The following BCO1 variants were observed in gnomAD, a reference collection of about 807,000 sequenced individuals.
The protein encoded by BCO1 is beta-carotene oxygenase 1.
In BCO1, 54 loss-of-function variants were observed where a neutral mutation model predicts 56.3. The observed-to-expected ratio is 0.96, with a 90% CI of 0.77 to 1.20. BCO1 has a LOEUF of 1.20. Among genes scored for constraint, BCO1 ranks in the 50% most tolerant of loss-of-function variants. The pLI, the probability that BCO1 is intolerant of heterozygous loss-of-function variation, is 0.00. For synonymous variants in BCO1, 318 were observed against 266.1 expected (o/e 1.20, Z -1.90); for missense variants, 801 against 690.9 (o/e 1.16, Z -1.79).
intron 1 of BCO1, among the ~76,000 whole-genome samples, chr16:81,241,573 A>G (rs1238503083): frequency 2.0e-5 from 3 of 152,194 alleles, no homozygotes; most frequent in Non-Finnish European, 2.9e-5. Context: ...CCACGGGGTC[A>G]GACACTTGGG....
chr16:81,256,725 T>G (rs1315041230), intron 2 of BCO1, among the ~76,000 whole-genome samples: 1 of 151,886 alleles, frequency 6.6e-6, no homozygotes, highest in Non-Finnish European at 1.5e-5. Context: ...TCGTCTCTAC[T>G]AAAAATACAA....
chr16:81,267,739 G>T (rs193097066), intron 5 of BCO1, among the ~76,000 whole-genome samples, 169 bp from the exon 6 acceptor site: 310 of 152,276 alleles, frequency 2.0e-3, no homozygotes, highest in Non-Finnish European at 3.4e-3. Flanking sequence ...GAAGGTCTCA[G>T]CCTGGCCCCC....
chr16:81,284,274 TTATATATAAA>T (rs1345711923), intron 8 of BCO1, among the ~76,000 whole-genome samples: 275 of 1,348 alleles, frequency 0.2, 2 homozygotes, highest in South Asian at 0.29. Context: ...ATTTATATAT[TTATATATAAA>T]TATATATTTA....
chr16:81,275,489 C>G (rs539832261), intron 7 of BCO1, among the ~76,000 whole-genome samples: 1 of 152,366 alleles, frequency 6.6e-6, no homozygotes, highest in African/African-American at 2.4e-5. Context: ...CCTTGTAACT[C>G]TTTGTCAACA....
intron 4 of BCO1, chr16:81,262,848 A>AC (rs1567452829): frequency 7.8e-5 from 12 of 154,484 alleles, no homozygotes; most frequent in African/African-American, 1.0e-4. Context: ...AAAAAAAAAA[A>AC]AAAAAAAACA....
At chr16:81,248,100 C>G (rs1448545033) in intron 2 of BCO1, among the ~76,000 whole-genome samples, 1 of 152,030 alleles carries the variant, frequency 6.6e-6, no homozygotes, top group Non-Finnish European at 1.5e-5. Context: ...AGCATTTGTT[C>G]TTAATTTCAT....
chr16:81,271,320 G>T (rs1204371743), intron 7 of BCO1, among the ~76,000 whole-genome samples: 1 of 151,404 alleles, frequency 6.6e-6, no homozygotes, highest in East Asian at 2.0e-4. Flanking sequence ...TCACCATGTT[G>T]CTCAGGCTGT....
At chr16:81,261,773 G>A (rs565117002) in intron 3 of BCO1, among the ~76,000 whole-genome samples, 7 of 151,026 alleles carry the variant, frequency 4.6e-5, no homozygotes, top group Admixed American at 4.6e-4. Flanking sequence ...ACAGAGTCTC[G>A]CTCTTTCGCC....
intron 2 of BCO1, among the ~76,000 whole-genome samples, chr16:81,246,987 T>C (rs141003574): frequency 6.6e-6 from 1 of 151,700 alleles, no homozygotes; most frequent in Non-Finnish European, 1.5e-5. Context: ...AATGGATAAA[T>C]ATAGGGCATC....
chr16:81,252,024 C>T (rs888608609), intron 2 of BCO1, among the ~76,000 whole-genome samples: 2 of 151,928 alleles, frequency 1.3e-5, no homozygotes, highest in Admixed American at 1.3e-4. Flanking sequence ...CTCCTGAAAG[C>T]AGACTGCTGG....
intron 2 of BCO1, among the ~76,000 whole-genome samples, chr16:81,246,723 C>T (rs543967557): frequency 6.6e-6 from 1 of 152,040 alleles, no homozygotes; most frequent in African/African-American, 2.4e-5. Flanking sequence ...TAGTGGCACA[C>T]ACCTGTAATC....
At chr16:81,260,905 G>A (rs1298122851) in intron 3 of BCO1, among the ~76,000 whole-genome samples, 1 of 152,184 alleles carries the variant, frequency 6.6e-6, no homozygotes, top group East Asian at 1.9e-4. Flanking sequence ...CCTGCCATCA[G>A]TATCTTCTTT....
chr16:81,254,700 G>A (rs375844831), intron 2 of BCO1, among the ~76,000 whole-genome samples: 1 of 152,172 alleles, frequency 6.6e-6, no homozygotes, highest in South Asian at 2.1e-4. Flanking sequence ...GGCAAAACAA[G>A]TTGAAACTCT....
At chr16:81,274,883 C>G (rs1481562261) in intron 7 of BCO1, among the ~76,000 whole-genome samples, 1 of 149,956 alleles carries the variant, frequency 6.7e-6, no homozygotes, top group African/African-American at 2.5e-5. Flanking sequence ...GCATGGGCAA[C>G]AGAGTGAGAC....
chr16:81,290,671 T>C lies in BCO1; in HGVS notation c.*94T>C. 9.9e-7 allele frequency: 1 copy of C among 1,005,372 alleles called. No homozygotes were observed. Among genetic ancestry groups the C allele is most frequent in the Non-Finnish European group, 1.5e-6 (1 of 664,418 alleles). 62.3% of individuals were successfully genotyped at this position (1,005,372 alleles called of 1,614,324 possible). A position where few individuals can be genotyped will look rare whatever the true frequency, so the allele number is the denominator to read the frequency against. On this transcript the variant is annotated 3_prime_UTR_variant, in exon 11 of 11. Coordinates refer to ENST00000258168, the MANE Select transcript of BCO1 (RefSeq NM_017429.3). The stretch of plus-strand genomic sequence containing the variant: ...GGAGGGGAGGGCCTTTGTTACCTTT[T>C]GCACTTATTCTTTCTGTGGGTGCTT...
intron 2 of BCO1, among the ~76,000 whole-genome samples, chr16:81,257,141 C>G (rs1207318247): frequency 6.6e-6 from 1 of 152,184 alleles, no homozygotes; most frequent in African/African-American, 2.4e-5. Context: ...CCTTTAAGAG[C>G]TGTTTCATGC....
intron 2 of BCO1, among the ~76,000 whole-genome samples, chr16:81,256,369 C>A (rs1283917246): frequency 6.6e-6 from 1 of 152,122 alleles, no homozygotes; most frequent in East Asian, 1.9e-4. Flanking sequence ...ATGGGCGTTT[C>A]TGAGGTCAAC....
chr16:81,243,245 A>T (rs924374139), intron 1 of BCO1, among the ~76,000 whole-genome samples: 3 of 152,120 alleles, frequency 2.0e-5, no homozygotes, highest in Non-Finnish European at 2.9e-5. Context: ...AATTTTTTTA[A>T]ATTGCAGAAA....
chr16:81,259,914 C>T, intron 3 of BCO1, 109 bp downstream of exon 3: 1 of 1,329,372 alleles, frequency 7.5e-7, no homozygotes, highest in Non-Finnish European at 1.1e-6. Context: ...TAGATGAAAA[C>T]TCCACATGAC....
Sources: gnomAD v4.1 joint callset for allele counts (sites outside exome capture counted in the v4.1 genomes callset) on GRCh38, gnomAD v4.1.1 for gene constraint, MANE v1.5 for transcripts, NCBI Gene and HGNC (gene_info 2026-07-23, HGNC 2026-07-21) for gene names.